ZKSCAN3: variants seen among roughly 807,000 people sequenced by gnomAD.
ZKSCAN3 encodes zinc finger with KRAB and SCAN domains 3.
Under a neutral mutation model 30.7 loss-of-function variants are expected in ZKSCAN3, and 21 were observed. The ratio of observed to expected loss-of-function variants is 0.68; its 90% confidence interval spans 0.49 to 0.99. ZKSCAN3 has a LOEUF of 0.99. Ranked by LOEUF, ZKSCAN3 falls within the 50% of genes least tolerant of loss-of-function variation. The pLI is 0.00. For missense variants in ZKSCAN3, 507 were observed against 647.1 expected, an observed-to-expected ratio of 0.78 and a Z score of 2.35; for synonymous variants, 201 against 246.7, an observed-to-expected ratio of 0.81 and a Z score of 1.73.
chr6:28,359,442 C>T (rs1238598330), intron 1 of ZKSCAN3, 83 bp from the exon 2 acceptor site: 6 of 1,041,824 alleles, frequency 5.8e-6, no homozygotes, highest in Middle Eastern at 6.3e-4. Flanking sequence ...CAGCAGTTCC[C>T]CAGAGATGTC....
intron 1 of ZKSCAN3, among the ~76,000 whole-genome samples, chr6:28,358,701 T>A (rs1399567983): frequency 1.3e-5 from 2 of 151,888 alleles, no homozygotes; most frequent in Non-Finnish European, 2.9e-5. Flanking sequence ...CTGGCCAACA[T>A]GGTGAAACCC....
intron 4 of ZKSCAN3, 53 bp downstream of exon 4, chr6:28,363,438 C>A: frequency 6.5e-7 from 1 of 1,537,820 alleles, no homozygotes. Flanking sequence ...ATTGAGCTTC[C>A]TGTGAAGACT....
At chr6:28,352,190 C>T (rs1015637615) in intron 1 of ZKSCAN3, among the ~76,000 whole-genome samples, 4 of 152,114 alleles carry the variant, frequency 2.6e-5, no homozygotes, top group African/African-American at 4.8e-5. Context: ...TGGATTTGGT[C>T]GATTGCTTCT....
intron 3 of ZKSCAN3, 151 bp downstream of exon 3, chr6:28,361,622 T>C (rs1765773825): frequency 3.4e-6 from 3 of 880,042 alleles, no homozygotes; most frequent in Non-Finnish European, 4.9e-6. Flanking sequence ...ATTTCCAACA[T>C]AATGATGGAA....
chr6:28,362,500 A>T (rs1332414810), intron 3 of ZKSCAN3, among the ~76,000 whole-genome samples: 1 of 152,204 alleles, frequency 6.6e-6, no homozygotes, highest in Non-Finnish European at 1.5e-5. Context: ...CATCACTGGG[A>T]TGTTCTAGCC....
chr6:28,363,958 C>T (rs1765861113), intron 5 of ZKSCAN3, 143 bp downstream of exon 5: 1 of 1,078,352 alleles, frequency 9.3e-7, no homozygotes, highest in South Asian at 1.6e-5. Flanking sequence ...CTGACTAGCT[C>T]CTTACCCTTT....
chr6:28,365,165 C>T (rs1317266663), intron 5 of ZKSCAN3, among the ~76,000 whole-genome samples: 1 of 152,176 alleles, frequency 6.6e-6, no homozygotes, highest in Non-Finnish European at 1.5e-5. Context: ...CATACATCCC[C>T]AGCATAGTCC....
intron 3 of ZKSCAN3, 98 bp downstream of exon 3, chr6:28,361,569 C>T (rs1765772526): frequency 7.4e-7 from 1 of 1,342,532 alleles, no homozygotes; most frequent in Non-Finnish European, 1.0e-6. Context: ...CTTATGTGCC[C>T]ATCACAGATC....
rs1766039905 is a variant in ZKSCAN3 at position 28,368,058 on chromosome 6, T to A, written c.*1773T>A. 3.3e-5 allele frequency: 4 copies of A among 121,678 alleles called. No individual in the cohort carries two copies. The highest frequency in any genetic ancestry group is 2.9e-4 in the South Asian group (1 of 3,468). The allele number at this position is 121,678 out of a possible 1,614,324, so 7.5% of individuals were successfully genotyped here. ...CCCCACCCCACAACAGGCCCCAGTG[T>A]GTGATGTTCCCCTTCCTGTGTCCAA... On this transcript the variant is annotated 3_prime_UTR_variant, in exon 6 of 6. Transcript: ENST00000252211.
In ZKSCAN3 at chr6:28,368,280, G is replaced by T; in HGVS notation, c.*1995G>T. 1 of 152,192 alleles carries T rather than the reference G, an allele frequency of 6.6e-6. No homozygotes were observed. The allele number at this position is 152,192 out of a possible 1,614,324, so 9.4% of individuals were successfully genotyped here. ...ATTACAGGCGTGAGCCACCGCGCCC[G>T]GCCCAAGTATCACTTATGGTTTCAG... On this transcript the variant is annotated 3_prime_UTR_variant, in exon 6 of 6. Coordinates refer to ENST00000252211, the MANE Select transcript of ZKSCAN3 (RefSeq NM_024493.4).
rs1226312155 is a variant in ZKSCAN3 at position 28,365,540 on chromosome 6, G to A, written c.872G>A (p.Cys291Tyr). 1 of 1,614,124 alleles carries A rather than the reference G, an allele frequency of 6.2e-7. No individual in the cohort carries two copies. The highest frequency in any genetic ancestry group is 8.5e-7 in the Non-Finnish European group (1 of 1,180,056). The change falls in exon 6 of 6, where the codon TGT becomes TAT. Residue 291 changes from cysteine to tyrosine, a missense_variant. Cys to Tyr is a radical substitution (Grantham distance 194). Transcript: ENST00000252211. ...GAAGACATTGCCCAGATTCCTACAT[G>A]TGCAGAAGCTGGTGAACAGGAGGGC... Reference protein sequence around the residue: ...LREDIAQIPTCAEAGEQEGRL... With the variant: ...LREDIAQIPTYAEAGEQEGRL...
chr6:28,362,082 T>C lies in ZKSCAN3; in HGVS notation c.550+611T>C, dbSNP rs73399679. ...TCCCAAGGTGCTGGGATTATAGGTG[T>C]AAGCTACCACACTTGTGTATACCAG... On this transcript the variant is annotated intron_variant, in intron 3 of 5. Transcript: ENST00000252211. Among the ~76,000 whole-genome samples the C allele has an allele frequency of 4.0e-3, 608 of 152,340 alleles. 4 individuals are homozygous for C. Among genetic ancestry groups the C allele is most frequent in the African/African-American group, 0.013 (543 of 41,572 alleles).
rs1187311674 is a variant in ZKSCAN3, at chr6:28,366,185, A to T, written c.1517A>T (p.Lys506Ile). 6.2e-7 allele frequency: 1 copy of T among 1,608,786 alleles called. No individual in the cohort carries two copies. The highest frequency in any genetic ancestry group is 8.5e-7 in the Non-Finnish European group (1 of 1,178,206). The change falls in exon 6 of 6, where the codon AAA (lysine) becomes ATA (isoleucine). Residue 506 changes from lysine to isoleucine, a missense_variant. By Grantham distance (102) the Lys-to-Ile change is moderately radical (BLOSUM62 -3). Coordinates refer to ENST00000252211, the MANE Select transcript of ZKSCAN3 (RefSeq NM_024493.4). ...IEHQKIHTGE[K>I]PYQCNACGKG... ...CATCAAAAAATCCACACTGGTGAGA[A>T]ACCCTATCAGTGTAATGCGTGTGGA... is the stretch of plus-strand genomic sequence containing the variant.
chr6:28,361,557 G>A, intron 3 of ZKSCAN3, 86 bp downstream of exon 3: 1 of 1,462,596 alleles, frequency 6.8e-7, no homozygotes, highest in Admixed American at 2.2e-5. Context: ...ATTGATAGGG[G>A]GCTTATGTGC....
intron 2 of ZKSCAN3, among the ~76,000 whole-genome samples, chr6:28,361,089 C>T (rs1765747846): frequency 6.6e-6 from 1 of 152,192 alleles, no homozygotes; most frequent in Non-Finnish European, 1.5e-5. Flanking sequence ...GCTCTGGCAT[C>T]ATTCTACCTG....
intron 1 of ZKSCAN3, among the ~76,000 whole-genome samples, chr6:28,357,535 G>C (rs1197614707): frequency 6.6e-6 from 1 of 152,198 alleles, no homozygotes; most frequent in South Asian, 2.1e-4. Context: ...CCTCAGCCCA[G>C]TTGCCTGAGA....
At position 28,361,292 on chromosome 6, in the gene ZKSCAN3, A is replaced by G. The variant is rs373562238; in HGVS notation, c.403-32A>G. ...GGTAGTTCTATGGAAGTGTTTGATG[A>G]AAACATGAAAATAAGAACAAATGAT... On this transcript the variant is annotated intron_variant, in intron 2 of 5. Transcript: ENST00000252211. The G allele has an allele frequency of 3.2e-5, 52 of 1,607,232 alleles. No individual in the cohort carries two copies. In the South Asian group the frequency reaches 3.5e-4, roughly 11 times the overall value.
rs567575962 is a variant in ZKSCAN3, at chr6:28,357,207, C to T, written c.-62-2318C>T. On this transcript the variant is annotated intron_variant, in intron 1 of 5. Coordinates refer to ENST00000252211, the MANE Select transcript of ZKSCAN3 (RefSeq NM_024493.4). ...GCTGAGTCATGCAGGATGTTTACCT[C>T]GGCCTATGCCTGCTTCGCTGCAGCA... 3.9e-5 allele frequency among the ~76,000 whole-genome samples: 6 copies of T among 152,334 alleles called. No homozygotes were observed. The South Asian group carries it at 1.2e-3, about 32-fold the overall frequency.
chr6:28,365,412 A>G lies in ZKSCAN3; in HGVS notation c.758-14A>G. On this transcript the variant is annotated splice_polypyrimidine_tract_variant and intron_variant, in intron 5 of 5. Transcript: ENST00000252211. Reference sequence around the variant, plus strand: ...ATGGCATAAGCCACAGTTGCCAGTTATTTGTTGTTTCAGGTGATGAAAAAC... The same window carrying G: ...ATGGCATAAGCCACAGTTGCCAGTTGTTTGTTGTTTCAGGTGATGAAAAAC... 2.5e-6 allele frequency: 4 copies of G among 1,593,080 alleles called. No individual in the cohort carries two copies. The highest frequency in any genetic ancestry group is 2.6e-6 in the Non-Finnish European group (3 of 1,170,920).
Sources: gnomAD v4.1 joint callset for allele counts (sites outside exome capture counted in the v4.1 genomes callset) on GRCh38, gnomAD v4.1.1 for gene constraint, MANE v1.5 for transcripts, NCBI Gene and HGNC (gene_info 2026-07-23, HGNC 2026-07-21) for gene names.